Variants in FSTL4 observed in about 807,000 individuals in gnomAD.
FSTL4 encodes follistatin like 4, also known as follistatin-related protein 4.
Under a neutral mutation model 78.2 loss-of-function variants are expected in FSTL4, and 28 were observed. The ratio of observed to expected loss-of-function variants is 0.36; its 90% confidence interval spans 0.27 to 0.49. FSTL4 has a LOEUF of 0.49. Among genes scored for constraint, FSTL4 ranks in the 20% least tolerant of loss-of-function variants. FSTL4 has a pLI of 0.98. For synonymous variants in FSTL4, 422 were observed against 440.5 expected, an observed-to-expected ratio of 0.96 and a Z score of 0.53; for missense variants, 922 against 1,084.9, an observed-to-expected ratio of 0.85 and a Z score of 2.11.
chr5:133,522,785 C>T (rs550285310), intron 3 of FSTL4, among the ~76,000 whole-genome samples: 3 of 152,350 alleles, frequency 2.0e-5, no homozygotes, highest in African/African-American at 7.2e-5. Context: ...ATTAATAAAG[C>T]ACACAACTCA....
At chr5:133,670,836 T>C in the FSTL4 span, among the ~76,000 whole-genome samples, 1 of 152,190 alleles carries the variant, frequency 6.6e-6, no homozygotes, top group Non-Finnish European at 1.5e-5. Flanking sequence ...ATGTGAATAA[T>C]TTTGATCAGA....
the FSTL4 span, among the ~76,000 whole-genome samples, chr5:133,641,984 T>G: frequency 6.6e-6 from 1 of 152,050 alleles, no homozygotes; most frequent in African/African-American, 2.4e-5. Context: ...TAACAGCTCT[T>G]GAACTCTCTT....
the FSTL4 span, among the ~76,000 whole-genome samples, chr5:133,796,160 G>C: frequency 1.3e-5 from 2 of 152,220 alleles, no homozygotes; most frequent in Non-Finnish European, 2.9e-5. Flanking sequence ...TGGAATGGGA[G>C]AGTTCCCTGA....
chr5:133,833,426 A>T, the FSTL4 span, among the ~76,000 whole-genome samples: 1 of 152,364 alleles, frequency 6.6e-6, no homozygotes, highest in South Asian at 2.1e-4. Flanking sequence ...AAGAATATTA[A>T]TCTGTTCGTT....
the FSTL4 span, among the ~76,000 whole-genome samples, chr5:133,630,285 C>A: frequency 6.6e-6 from 1 of 152,262 alleles, no homozygotes; most frequent in Non-Finnish European, 1.5e-5. Flanking sequence ...AGCTGATAAG[C>A]AACTTCAGCA....
intron 4 of FSTL4, among the ~76,000 whole-genome samples, chr5:133,367,567 T>G (rs1363954583): frequency 6.6e-6 from 1 of 152,178 alleles, no homozygotes; most frequent in Non-Finnish European, 1.5e-5. Flanking sequence ...ATGTGACAAA[T>G]TTCTGCTTTC....
the FSTL4 span, among the ~76,000 whole-genome samples, chr5:133,787,794 G>A: frequency 6.6e-6 from 1 of 152,140 alleles, no homozygotes; most frequent in Non-Finnish European, 1.5e-5. Context: ...CCCACTTAGA[G>A]GCTGCCTGTC....
chr5:133,676,707 C>A, the FSTL4 span, among the ~76,000 whole-genome samples: 2 of 152,236 alleles, frequency 1.3e-5, no homozygotes, highest in Non-Finnish European at 2.9e-5. Flanking sequence ...GCTCTTTTGG[C>A]CTTCTTAGAA....
At chr5:133,837,845 T>C in the FSTL4 span, among the ~76,000 whole-genome samples, 1 of 152,218 alleles carries the variant, frequency 6.6e-6, no homozygotes, top group East Asian at 1.9e-4. Flanking sequence ...TAGCACCAAG[T>C]ATATGGCTCT....
At chr5:133,643,368 T>C in the FSTL4 span, among the ~76,000 whole-genome samples, 1 of 152,202 alleles carries the variant, frequency 6.6e-6, no homozygotes, top group Non-Finnish European at 1.5e-5. Context: ...CTATAAGGCA[T>C]ATCCATTGGG....
At chr5:133,290,372 T>C (rs868348994) in intron 6 of FSTL4, among the ~76,000 whole-genome samples, 7 of 152,172 alleles carry the variant, frequency 4.6e-5, no homozygotes, top group African/African-American at 1.7e-4. Context: ...AAAATGGAGC[T>C]GGGGGCAGAG....
chr5:133,221,891 G>GTTTTTTTTTTTTTGTTTTTTTTT (rs1751119949), intron 11 of FSTL4, among the ~76,000 whole-genome samples: 8 of 43,358 alleles, frequency 1.8e-4, no homozygotes, highest in African/African-American at 2.7e-4. Context: ...CTCTTTTCTA[G>GTTTTTTTTTTTTTGTTTTTTTTT]TTTTTTTTTT....
intron 2 of FSTL4, among the ~76,000 whole-genome samples, chr5:133,579,186 G>A (rs1760347051): frequency 6.6e-6 from 1 of 152,178 alleles, no homozygotes; most frequent in South Asian, 2.1e-4. Flanking sequence ...CAGGGTCCAC[G>A]TCTCCTTCAT....
At chr5:133,678,778 G>T in the FSTL4 span, among the ~76,000 whole-genome samples, 1 of 152,148 alleles carries the variant, frequency 6.6e-6, no homozygotes, top group East Asian at 1.9e-4. Flanking sequence ...GATTACCTAG[G>T]GAAGGGAGTG....
chr5:133,286,396 C>T (rs537567221), intron 6 of FSTL4, among the ~76,000 whole-genome samples: 4 of 152,302 alleles, frequency 2.6e-5, no homozygotes, highest in Admixed American at 1.3e-4. Flanking sequence ...CACATTCAGG[C>T]ATGTAAAAAC....
At chr5:133,240,014 G>T (rs969157772) in intron 7 of FSTL4, among the ~76,000 whole-genome samples, 2 of 152,158 alleles carry the variant, frequency 1.3e-5, no homozygotes, top group East Asian at 1.9e-4. Context: ...TCCTTTCCAC[G>T]CAGTGGAAGC....
intron 7 of FSTL4, among the ~76,000 whole-genome samples, chr5:133,237,465 G>A (rs114514857): frequency 6.6e-6 from 1 of 152,220 alleles, no homozygotes; most frequent in South Asian, 2.1e-4. Context: ...GGTGCTGAGG[G>A]GTGTGTGTGT....
intron 6 of FSTL4, among the ~76,000 whole-genome samples, chr5:133,293,639 C>G (rs1753319526): frequency 6.6e-6 from 1 of 152,110 alleles, no homozygotes; most frequent in Non-Finnish European, 1.5e-5. Flanking sequence ...CTCCTGCAAG[C>G]CTCTCTACTC....
intron 3 of FSTL4, among the ~76,000 whole-genome samples, chr5:133,453,241 CA>C (rs1757416651): frequency 1.3e-5 from 2 of 152,318 alleles, no homozygotes; most frequent in South Asian, 4.1e-4. Flanking sequence ...CCATTCATGC[CA>C]CCTTCTCTTG....
Sources: gnomAD v4.1 joint callset for allele counts (sites outside exome capture counted in the v4.1 genomes callset) on GRCh38, gnomAD v4.1.1 for gene constraint, MANE v1.5 for transcripts, NCBI Gene and HGNC (gene_info 2026-07-23, HGNC 2026-07-21) for gene names.